PALM: variants seen among roughly 807,000 people sequenced by gnomAD.
PALM encodes the protein paralemmin.
A neutral mutation model predicts 30.7 loss-of-function variants in PALM; 18 were observed. The observed-to-expected ratio is 0.59, with a 90% CI of 0.41 to 0.87. The LOEUF is 0.87. PALM is among the 40% of genes least tolerant of loss of function. The pLI, the probability that PALM is intolerant of heterozygous loss-of-function variation, is 0.00. For synonymous variants in PALM, 286 were observed against 242.8 expected, an observed-to-expected ratio of 1.18 and a Z score of -1.66; for missense variants, 529 against 555.4, an observed-to-expected ratio of 0.95 and a Z score of 0.48.
intron 1 of PALM, among the ~76,000 whole-genome samples, chr19:711,718 A>G (rs2032085755): frequency 6.6e-6 from 1 of 152,210 alleles, no homozygotes; most frequent in South Asian, 2.1e-4. Context: ...TTTCTAAAAC[A>G]AGGCGATTTG....
chr19:725,161 A>C (rs2032617536), intron 1 of PALM, among the ~76,000 whole-genome samples: 1 of 150,786 alleles, frequency 6.6e-6, no homozygotes, highest in Admixed American at 6.7e-5. Flanking sequence ...CCTGACCTCA[A>C]GTGATCCGCC....
intron 8 of PALM, among the ~76,000 whole-genome samples, chr19:741,519 CGGGGTGAGGGGAGACGGGCTGCA>C (rs2033195230): frequency 9.7e-4 from 1 of 1,026 alleles, no homozygotes; most frequent in African/African-American, 2.0e-3. Flanking sequence ...TGAGGGGAGA[CGGGGTGAGGGGAGACGGGCTGCA>C]GGGGTGAGGG....
intron 5 of PALM, 35 bp from the exon 6 acceptor site, chr19:734,138 T>C (rs2032951145): frequency 1.2e-5 from 20 of 1,612,852 alleles, no homozygotes; most frequent in Non-Finnish European, 1.7e-5. Context: ...CCGGGGATGC[T>C]GACGCCCCTG....
At chr19:740,542 G>T in intron 8 of PALM, 59 bp downstream of exon 8, 1 of 1,480,836 alleles carries the variant, frequency 6.8e-7, no homozygotes. Flanking sequence ...GAACACGTGT[G>T]CTCCCAGCGT....
Position 741,548 on chromosome 19 carries a change from G to A in PALM, c.634+1065G>A, listed in dbSNP as rs546078311. 1.1e-4 allele frequency among the ~76,000 whole-genome samples: 17 copies of A among 149,506 alleles called. 1 individual carries two copies. Among genetic ancestry groups the A allele is most frequent in the African/African-American group, 3.5e-4 (14 of 40,458 alleles). On this transcript the variant is annotated intron_variant, in intron 8 of 8. Coordinates refer to ENST00000338448, the MANE Select transcript of PALM (RefSeq NM_002579.3). ...GTGAGGGGAGACGGGCTGCAGGGGT[G>A]AGGGGAGACGGGCTGCAGGGGTGAG...
chr19:734,086 G>A, intron 5 of PALM, 87 bp from the exon 6 acceptor site: 2 of 1,270,910 alleles, frequency 1.6e-6, no homozygotes, highest in Non-Finnish European at 2.3e-6. Flanking sequence ...ACTGTGCCAT[G>A]CCCTCCCCAG....
Position 714,537 on chromosome 19 carries a change from T to C in PALM, c.5+5386T>C, listed in dbSNP as rs541201791. ...CCACGCCCGGCTAATTTTTTGTATT[T>C]TTAGTAGAGATGGGGTTTCACCATG... On this transcript the variant is annotated intron_variant, in intron 1 of 8. Coordinates refer to ENST00000338448, the MANE Select transcript of PALM (RefSeq NM_002579.3). Among the ~76,000 whole-genome samples the C allele has an allele frequency of 2.0e-5, 3 of 149,270 alleles. No homozygotes were observed. In the East Asian group the frequency reaches 6.1e-4, roughly 30 times the overall value.
At chr19:726,083 C>T (rs2032650935) in intron 1 of PALM, 55 bp from the exon 2 acceptor site, 3 of 1,397,964 alleles carry the variant, frequency 2.1e-6, no homozygotes, top group Non-Finnish European at 3.0e-6. Context: ...TGAACCGCGT[C>T]TGACGGACAG....
chr19:727,245 A>ACCCTGACCCCGC (rs2032709764), intron 3 of PALM, among the ~76,000 whole-genome samples, 157 bp downstream of exon 3: 1 of 125,512 alleles, frequency 8.0e-6, no homozygotes, highest in African/African-American at 3.1e-5. Context: ...CCCGACCCCG[A>ACCCTGACCCCGC]CCCCGACCCT....
chr19:719,427 G>A (rs1459750343), intron 1 of PALM: 1 of 985,328 alleles, frequency 1.0e-6, no homozygotes, highest in Non-Finnish European at 1.2e-6. Context: ...GCCACACGCC[G>A]TAAAAAGCAT....
At chr19:719,985 C>T (rs933605483) in intron 1 of PALM, among the ~76,000 whole-genome samples, 42 of 152,252 alleles carry the variant, frequency 2.8e-4, no homozygotes, top group African/African-American at 8.9e-4. Context: ...CTTGGCTACC[C>T]GGCGTCGGGG....
At position 742,194 on chromosome 19, in the gene PALM, G is replaced by A. The variant is rs547857815; in HGVS notation, c.634+1711G>A. ...GAGGAGAGAAGCCCCATCCCCATCA[G>A]CTGTCACTTCCTGTCCCCTCCCCAG... On this transcript the variant is annotated intron_variant, in intron 8 of 8. Coordinates refer to ENST00000338448, the MANE Select transcript of PALM (RefSeq NM_002579.3). This position sits in a 1 kb window ranked among gnomAD's most constrained non-coding sequence, Gnocchi z 5.5. 2.6e-5 allele frequency among the ~76,000 whole-genome samples: 4 copies of A among 152,176 alleles called. No individual in the cohort carries two copies. Among genetic ancestry groups the A allele is most frequent in the Non-Finnish European group, 5.9e-5 (4 of 67,998 alleles).
At position 711,311 on chromosome 19, in the gene PALM, TAA is replaced by T. The variant is rs1038561671; in HGVS notation, c.5+2162_5+2163del. 2.2e-4 allele frequency: 105 copies of T among 471,248 alleles called. 1 individual carries two copies. The highest frequency in any genetic ancestry group is 2.1e-3 in the African/African-American group (99 of 47,208). The allele number at this position is 471,248 out of a possible 1,614,324, so 29.2% of individuals were successfully genotyped here. ...GTGACACATGGTCTGGCTGGTAAAA[TAA>T]AGATATTTTGGCCTGGAGCAGCCAT... is the stretch of plus-strand genomic sequence containing the variant. On this transcript the variant is annotated intron_variant, in intron 1 of 8. Coordinates refer to ENST00000338448, the MANE Select transcript of PALM (RefSeq NM_002579.3).
At chr19:737,293 G>A (rs982335418) in intron 7 of PALM, among the ~76,000 whole-genome samples, 19 of 152,192 alleles carry the variant, frequency 1.2e-4, no homozygotes, top group Non-Finnish European at 2.4e-4. Context: ...GCTGATCCCC[G>A]TGGCCACTGA....
intron 1 of PALM, among the ~76,000 whole-genome samples, chr19:714,771 T>G (rs1272487421): frequency 2.6e-5 from 4 of 151,828 alleles, no homozygotes; most frequent in Admixed American, 2.0e-4. Flanking sequence ...ACCCAGCCTC[T>G]TGAGTAGCTG....
intron 1 of PALM, among the ~76,000 whole-genome samples, chr19:713,154 C>T (rs990470958): frequency 2.1e-5 from 3 of 145,160 alleles, no homozygotes; most frequent in African/African-American, 8.0e-5. Context: ...GTACCTGTGT[C>T]TGGGGGTTGT....
intron 4 of PALM, among the ~76,000 whole-genome samples, chr19:729,275 G>A (rs537931524): frequency 3.3e-5 from 5 of 151,198 alleles, no homozygotes; most frequent in African/African-American, 1.2e-4. Flanking sequence ...TCAGTGAGCC[G>A]AGATCAAGCC....
intron 1 of PALM, among the ~76,000 whole-genome samples, chr19:711,755 A>G (rs1397640349): frequency 6.6e-6 from 1 of 152,138 alleles, no homozygotes; most frequent in Non-Finnish European, 1.5e-5. Context: ...TTTTGAAGGC[A>G]AGGAATAGAC....
chr19:727,272 CGACCCTGACCCCAACCT>C (rs1388556391), intron 3 of PALM, among the ~76,000 whole-genome samples, 184 bp downstream of exon 3: 25 of 148,462 alleles, frequency 1.7e-4, no homozygotes, highest in Non-Finnish European at 2.9e-4. Flanking sequence ...AACCTGACCC[CGACCCTGACCCCAACCT>C]GACCCTGACC....
Sources: gnomAD v4.1 joint callset for allele counts (sites outside exome capture counted in the v4.1 genomes callset) on GRCh38, gnomAD v4.1.1 for gene constraint, Gnocchi (gnomAD v3.1) non-coding constraint, MANE v1.5 for transcripts, NCBI Gene and HGNC (gene_info 2026-07-23, HGNC 2026-07-21) for gene names.